Variants in PPM1L observed in about 807,000 individuals in gnomAD.
PPM1L encodes protein phosphatase, Mg2+/Mn2+ dependent 1L.
Under a neutral mutation model 31.4 loss-of-function variants are expected in PPM1L, and 13 were observed. The ratio of observed to expected loss-of-function variants is 0.41; its 90% confidence interval spans 0.27 to 0.66. The LOEUF is 0.66. Ranked by LOEUF, PPM1L falls within the 30% of genes least tolerant of loss-of-function variation. The probability of loss-of-function intolerance (pLI) is 0.29; values close to 1 mark genes in which losing one functional copy is unlikely to be tolerated. For missense variants in PPM1L, 326 were observed against 453.7 expected, an observed-to-expected ratio of 0.72 and a Z score of 2.56; for synonymous variants, 184 against 175.4, an observed-to-expected ratio of 1.05 and a Z score of -0.39.
chr3:161,014,763 C>T (rs1718025162), intron 2 of PPM1L, among the ~76,000 whole-genome samples: 1 of 152,184 alleles, frequency 6.6e-6, no homozygotes, highest in African/African-American at 2.4e-5. Context: ...AGCCACTGCT[C>T]CTGGCCAGGA....
At chr3:160,907,019 A>G (rs961843359) in intron 1 of PPM1L, among the ~76,000 whole-genome samples, 1 of 152,216 alleles carries the variant, frequency 6.6e-6, no homozygotes, top group African/African-American at 2.4e-5. Flanking sequence ...GAGGCAAGTC[A>G]CTTGGTCCAG....
chr3:161,032,778 C>T (rs180695616), intron 2 of PPM1L, among the ~76,000 whole-genome samples: 8 of 151,578 alleles, frequency 5.3e-5, no homozygotes, highest in Admixed American at 2.0e-4. Context: ...CTGCAACCTC[C>T]GCCTCCCGGG....
At chr3:160,796,157 G>C (rs1712241537) in intron 1 of PPM1L, among the ~76,000 whole-genome samples, 1 of 152,188 alleles carries the variant, frequency 6.6e-6, no homozygotes, top group Admixed American at 6.5e-5. Flanking sequence ...GTACGTATAT[G>C]ATGTCTGGTC....
chr3:160,780,310 A>G (rs1021356480), intron 1 of PPM1L, among the ~76,000 whole-genome samples: 2 of 152,250 alleles, frequency 1.3e-5, no homozygotes, highest in Non-Finnish European at 2.9e-5. Context: ...ATAGTTTGTT[A>G]TAATATAATG....
At chr3:160,835,278 A>G (rs1404746504) in intron 1 of PPM1L, among the ~76,000 whole-genome samples, 2 of 148,524 alleles carry the variant, frequency 1.3e-5, no homozygotes, top group Non-Finnish European at 3.0e-5. Context: ...CGCATTGTAT[A>G]GTGGTCAGTT....
chr3:160,940,784 T>C (rs1285877143), intron 1 of PPM1L, among the ~76,000 whole-genome samples: 1 of 152,108 alleles, frequency 6.6e-6, no homozygotes, highest in East Asian at 1.9e-4. Context: ...GCATTAGAGC[T>C]CCCACACAGA....
At chr3:160,775,194 G>A (rs980857464) in intron 1 of PPM1L, among the ~76,000 whole-genome samples, 2 of 152,184 alleles carry the variant, frequency 1.3e-5, no homozygotes, top group Non-Finnish European at 1.5e-5. Context: ...TTATACAACG[G>A]CTAAATGGAA....
At chr3:160,788,278 C>T (rs1711993096) in intron 1 of PPM1L, among the ~76,000 whole-genome samples, 1 of 152,126 alleles carries the variant, frequency 6.6e-6, no homozygotes, top group Non-Finnish European at 1.5e-5. Flanking sequence ...TTTGTGTCAT[C>T]TCTGATTTCT....
intron 1 of PPM1L, among the ~76,000 whole-genome samples, chr3:160,893,933 A>G (rs1171206314): frequency 6.6e-6 from 1 of 152,190 alleles, no homozygotes; most frequent in Non-Finnish European, 1.5e-5. Flanking sequence ...ATACTTTTAC[A>G]TGAGATAGTC....
At chr3:160,766,697 G>GAA in intron 1 of PPM1L, among the ~76,000 whole-genome samples, 1 of 142,998 alleles carries the variant, frequency 7.0e-6, no homozygotes, top group South Asian at 2.2e-4. Flanking sequence ...TTGTACTTCT[G>GAA]AAAAAAAAAA....
chr3:160,964,925 A>G lies in PPM1L; in HGVS notation c.574+3015A>G, dbSNP rs114633880. ...AAAAAACATTACTATTTAGCAGAAA[A>G]ATATAATAATACAAAAGAATTAGGA... On this transcript the variant is annotated intron_variant, in intron 2 of 3. Coordinates refer to ENST00000498165, the MANE Select transcript of PPM1L (RefSeq NM_139245.4). Among the ~76,000 whole-genome samples the G allele has an allele frequency of 6.3e-3, 966 of 152,210 alleles. 9 individuals carry two copies. Among genetic ancestry groups the G allele is most frequent in the African/African-American group, 0.022 (926 of 41,548 alleles).
intron 1 of PPM1L, among the ~76,000 whole-genome samples, chr3:160,782,594 A>G (rs1711781588): frequency 6.6e-6 from 1 of 152,214 alleles, no homozygotes; most frequent in Non-Finnish European, 1.5e-5. Context: ...GTTCATACTT[A>G]CACTTATTTC....
chr3:160,772,673 CAA>C (rs1170157248), intron 1 of PPM1L, among the ~76,000 whole-genome samples: 3 of 152,192 alleles, frequency 2.0e-5, no homozygotes, highest in Non-Finnish European at 2.9e-5. Flanking sequence ...CCATCACCCT[CAA>C]AAGTTTCTTG....
At chr3:160,876,745 A>G (rs1027390890) in intron 1 of PPM1L, among the ~76,000 whole-genome samples, 3 of 152,220 alleles carry the variant, frequency 2.0e-5, no homozygotes, top group Non-Finnish European at 4.4e-5. Flanking sequence ...CACAACTACA[A>G]TGCTACAATG....
chr3:160,992,168 C>G (rs1184468616), intron 2 of PPM1L, among the ~76,000 whole-genome samples: 2 of 152,166 alleles, frequency 1.3e-5, no homozygotes, highest in Non-Finnish European at 2.9e-5. Context: ...TAAGAAATAA[C>G]AAGGCTTAGT....
chr3:160,992,347 G>A (rs2108044591), intron 2 of PPM1L, among the ~76,000 whole-genome samples: 1 of 152,184 alleles, frequency 6.6e-6, no homozygotes, highest in African/African-American at 2.4e-5. Flanking sequence ...GTAAAACAGA[G>A]GACACGAACA....
At chr3:160,840,184 G>A (rs1713828754) in intron 1 of PPM1L, among the ~76,000 whole-genome samples, 1 of 152,112 alleles carries the variant, frequency 6.6e-6, no homozygotes, top group South Asian at 2.1e-4. Context: ...TTCCTTGGCA[G>A]CACTTTTGGA....
intron 1 of PPM1L, among the ~76,000 whole-genome samples, chr3:160,920,753 T>C (rs1714377895): frequency 6.6e-6 from 1 of 152,048 alleles, no homozygotes; most frequent in Admixed American, 6.5e-5. Context: ...TTCAAAATGC[T>C]AATACTGTAA....
intron 2 of PPM1L, among the ~76,000 whole-genome samples, chr3:161,010,838 A>T (rs144961400): frequency 6.6e-6 from 1 of 152,128 alleles, no homozygotes; most frequent in African/African-American, 2.4e-5. Context: ...AGAAGTGTCT[A>T]TTCATATCCT....
Sources: allele counts gnomAD v4.1 joint callset (sites outside exome capture counted in the v4.1 genomes callset), GRCh38; gene constraint gnomAD v4.1.1; transcripts MANE v1.5; gene names NCBI Gene and HGNC (gene_info 2026-07-23, HGNC 2026-07-21).